MCTP1: variants seen among roughly 807,000 people sequenced by gnomAD.
MCTP1 encodes multiple C2 and transmembrane domain containing 1.
Under a neutral mutation model 120.6 loss-of-function variants are expected in MCTP1, and 69 were observed. The observed-to-expected ratio is 0.57, with a 90% CI of 0.47 to 0.70. The LOEUF is 0.70. Among genes scored for constraint, MCTP1 ranks in the 30% least tolerant of loss-of-function variants. The pLI, the probability that MCTP1 is intolerant of heterozygous loss-of-function variation, is 0.00. For synonymous variants in MCTP1, 529 were observed against 493.1 expected, an observed-to-expected ratio of 1.07 and a Z score of -0.96; for missense variants, 1,203 against 1,248.8, an observed-to-expected ratio of 0.96 and a Z score of 0.55.
chr5:95,014,645 C>G (rs1338942783), intron 2 of MCTP1, among the ~76,000 whole-genome samples: 4 of 152,062 alleles, frequency 2.6e-5, no homozygotes, highest in Non-Finnish European at 4.4e-5. Context: ...TGTACAGTTC[C>G]TAGCCATAAA....
At chr5:95,002,439 T>C (rs1367524638) in intron 2 of MCTP1, among the ~76,000 whole-genome samples, 1 of 152,150 alleles carries the variant, frequency 6.6e-6, no homozygotes, top group African/African-American at 2.4e-5. Flanking sequence ...AGGATGGGGC[T>C]AGTATCCTGA....
chr5:95,082,583 A>G (rs1271783659), intron 1 of MCTP1, among the ~76,000 whole-genome samples: 3 of 152,216 alleles, frequency 2.0e-5, no homozygotes, highest in Non-Finnish European at 1.5e-5. Flanking sequence ...GTAATTTAAA[A>G]TATTTTAGTA....
At chr5:94,945,357 G>A (rs1191901274) in intron 3 of MCTP1, among the ~76,000 whole-genome samples, 6 of 152,180 alleles carry the variant, frequency 3.9e-5, no homozygotes, top group African/African-American at 1.2e-4. Context: ...ATTGGGAAGT[G>A]TATCAGTTAA....
chr5:95,091,852 G>C (rs1755866880), intron 1 of MCTP1, among the ~76,000 whole-genome samples: 1 of 152,182 alleles, frequency 6.6e-6, no homozygotes, highest in Non-Finnish European at 1.5e-5. Context: ...TACAGAAGTG[G>C]GGTTTACCAT....
intron 19 of MCTP1, among the ~76,000 whole-genome samples, chr5:94,756,102 C>A (rs142584921): frequency 2.0e-5 from 3 of 152,058 alleles, no homozygotes; most frequent in African/African-American, 7.2e-5. Context: ...TAGGAAATTC[C>A]GACAACAGCC....
chr5:94,937,785 C>A (rs1203698926), intron 5 of MCTP1, among the ~76,000 whole-genome samples: 1 of 151,976 alleles, frequency 6.6e-6, no homozygotes, highest in Admixed American at 6.6e-5. Flanking sequence ...TAATAAACAT[C>A]CCTTTAATGT....
At chr5:94,717,572 A>T (rs1292247042) in intron 19 of MCTP1, among the ~76,000 whole-genome samples, 13 of 152,278 alleles carry the variant, frequency 8.5e-5, no homozygotes, top group Admixed American at 5.2e-4. Context: ...GGAACATAGG[A>T]AGTCAAACTG....
At chr5:94,962,553 G>T (rs1824538654) in intron 2 of MCTP1, among the ~76,000 whole-genome samples, 1 of 151,598 alleles carries the variant, frequency 6.6e-6, no homozygotes, top group Non-Finnish European at 1.5e-5. Flanking sequence ...AAAAAGGAAT[G>T]AATTAATGGC....
intron 1 of MCTP1, among the ~76,000 whole-genome samples, chr5:95,048,151 A>T (rs2151967619): frequency 6.6e-6 from 1 of 152,320 alleles, no homozygotes; most frequent in South Asian, 2.1e-4. Context: ...GTTGCTTTTT[A>T]AAAATTAGAT....
chr5:95,030,952 C>T (rs1224178532), intron 1 of MCTP1, among the ~76,000 whole-genome samples: 2 of 150,890 alleles, frequency 1.3e-5, no homozygotes, highest in Non-Finnish European at 3.0e-5. Flanking sequence ...GACAAGATAG[C>T]TACATTAAAA....
chr5:95,207,256 C>G (rs1270731729), intron 1 of MCTP1, among the ~76,000 whole-genome samples: 1 of 152,096 alleles, frequency 6.6e-6, no homozygotes, highest in African/African-American at 2.4e-5. Context: ...TATAGAACAT[C>G]TTTCAATAGA....
intron 17 of MCTP1, among the ~76,000 whole-genome samples, chr5:94,835,726 C>T (rs1580944437): frequency 6.6e-6 from 1 of 152,308 alleles, no homozygotes; most frequent in East Asian, 1.9e-4. Flanking sequence ...TTCTTCAGGC[C>T]AGGAGCGGTG....
intron 1 of MCTP1, among the ~76,000 whole-genome samples, chr5:95,120,010 AAAAAAAATAC>A: frequency 6.6e-6 from 1 of 151,104 alleles, no homozygotes; most frequent in East Asian, 1.9e-4. Context: ...GTCTCTACTA[AAAAAAAATAC>A]AAAAAAATTA....
intron 1 of MCTP1, among the ~76,000 whole-genome samples, chr5:95,028,168 A>G (rs555276865): frequency 2.1e-4 from 32 of 152,348 alleles, no homozygotes; most frequent in African/African-American, 7.2e-4. Flanking sequence ...CTGATCATTC[A>G]AAATAGGATA....
At chr5:94,861,817 T>C (rs1346057108) in intron 17 of MCTP1, among the ~76,000 whole-genome samples, 3 of 151,768 alleles carry the variant, frequency 2.0e-5, no homozygotes, top group South Asian at 2.1e-4. Flanking sequence ...TTGTAAAATA[T>C]TGACCATGTA....
chr5:95,215,999 G>A (rs1049110201), intron 1 of MCTP1, among the ~76,000 whole-genome samples: 3 of 152,084 alleles, frequency 2.0e-5, no homozygotes, highest in Non-Finnish European at 4.4e-5. Context: ...TTTGCTTAAT[G>A]TCTATGAACA....
At chr5:95,181,224 A>G (rs1306980582) in intron 1 of MCTP1, among the ~76,000 whole-genome samples, 3 of 152,244 alleles carry the variant, frequency 2.0e-5, no homozygotes, top group Non-Finnish European at 4.4e-5. Context: ...ATAAAATCCA[A>G]ACTCTTTACC....
chr5:95,215,591 G>A (rs921567669), intron 1 of MCTP1, among the ~76,000 whole-genome samples: 1 of 151,904 alleles, frequency 6.6e-6, no homozygotes, highest in African/African-American at 2.4e-5. Flanking sequence ...TGTTAGCCTT[G>A]TTGCTATTTT....
intron 17 of MCTP1, among the ~76,000 whole-genome samples, chr5:94,858,299 T>C (rs1349204619): frequency 6.6e-6 from 1 of 151,650 alleles, no homozygotes; most frequent in African/African-American, 2.4e-5. Context: ...CAAGAGTTCG[T>C]GATTACCATA....
Sources: gnomAD v4.1 joint callset for allele counts (sites outside exome capture counted in the v4.1 genomes callset) on GRCh38, gnomAD v4.1.1 for gene constraint, MANE v1.5 for transcripts, NCBI Gene and HGNC (gene_info 2026-07-23, HGNC 2026-07-21) for gene names.